Variants in BOD1L1 observed in about 807,000 individuals in gnomAD.
The protein encoded by BOD1L1 is biorientation of chromosomes in cell division 1 like 1.
In BOD1L1, 86 loss-of-function variants were observed where a neutral mutation model predicts 240.7. The observed-to-expected ratio is 0.36, with a 90% CI of 0.30 to 0.43. BOD1L1 has a LOEUF of 0.43. Among genes scored for constraint, BOD1L1 ranks in the 20% least tolerant of loss-of-function variants. The pLI is 1.00. For missense variants in BOD1L1, 3,554 were observed against 3,643.5 expected, an observed-to-expected ratio of 0.98 and a Z score of 0.63; for synonymous variants, 1,268 against 1,272.3, an observed-to-expected ratio of 1.00 and a Z score of 0.07.
At chr4:13,582,586 C>A in intron 18 of BOD1L1, 66 bp downstream of exon 18, 1 of 1,217,206 alleles carries the variant, frequency 8.2e-7, no homozygotes, top group South Asian at 1.3e-5. Context: ...ATAGACGTTT[C>A]GGTTGAGAGA....
intron 17 of BOD1L1, among the ~76,000 whole-genome samples, chr4:13,584,226 A>G (rs1370333946): frequency 6.6e-6 from 1 of 152,050 alleles, no homozygotes; most frequent in Admixed American, 6.6e-5. Context: ...TGGAAGGTCA[A>G]CTCGTTTGGG....
In BOD1L1 at chr4:13,577,564, A is replaced by G; in HGVS notation, c.8799+18T>C. On this transcript the variant is annotated intron_variant, in intron 23 of 25. Coordinates refer to ENST00000040738, the MANE Select transcript of BOD1L1 (RefSeq NM_148894.3). Reference sequence around the variant, plus strand: ...TGATTTCTAAACAACATATCTTGATAAGAAATTTAACACTTACATTGCTTA... The same window carrying G: ...TGATTTCTAAACAACATATCTTGATGAGAAATTTAACACTTACATTGCTTA... 6.3e-7 allele frequency: 1 copy of G among 1,581,792 alleles called. No homozygotes were observed. The highest frequency in any genetic ancestry group is 8.6e-7 in the Non-Finnish European group (1 of 1,159,980).
rs1306514294 is a variant in BOD1L1 at position 13,627,539 on chromosome 4, G to A, written c.49C>T (p.Pro17Ser). ...PQPPPPAPPP[P>S]PPQPQPQPPP... ...GGCTGCGGCTGCGGCTGCGGCGGGG[G>A]AGGCGGCGGCGCCGGAGGAGGCGGC... The change falls in exon 1 of 26, where the codon CCC becomes TCC. Residue 17 changes from proline (P) to serine (S), a missense_variant. By Grantham distance (74) the Pro-to-Ser change is moderately conservative. Coordinates refer to ENST00000040738, the MANE Select transcript of BOD1L1 (RefSeq NM_148894.3). The A allele has an allele frequency of 2.0e-5, 23 of 1,126,956 alleles. No individual in the cohort carries two copies. Among genetic ancestry groups the A allele is most frequent in the Non-Finnish European group, 2.5e-5 (23 of 920,590 alleles). The allele number at this position is 1,126,956 out of a possible 1,614,324, so 69.8% of individuals were successfully genotyped here. A position where few individuals can be genotyped will look rare whatever the true frequency, so the allele number is the denominator to read the frequency against.
rs371633743 is a variant in BOD1L1, at chr4:13,602,655, G to C, written c.4245C>G (p.Asp1415Glu). The change falls in exon 10 of 26, where the codon GAC (aspartate) becomes GAG (glutamate). Residue 1415 changes from aspartate to glutamate, a missense_variant. This residue lies in a region of BOD1L1 where 3,393 missense variants were observed against 3,427.1 expected (regional missense o/e 0.99). Transcript: ENST00000040738. ...GCTTTAAATTGGGCTCTGCATTTAA[G>C]TCATTTTCTTTCTTGGCCATGTCCA... is the stretch of plus-strand genomic sequence containing the variant. ...GLVDMAKKEN[D>E]LNAEPNLKQT... 18 of 1,613,872 alleles carry C rather than the reference G, an allele frequency of 1.1e-5. No homozygotes were observed. The highest frequency in any genetic ancestry group is 1.4e-5 in the Non-Finnish European group (17 of 1,179,900).
intron 17 of BOD1L1, 95 bp from the exon 18 acceptor site, chr4:13,582,831 A>G: frequency 1.3e-6 from 1 of 790,938 alleles, no homozygotes; most frequent in Non-Finnish European, 2.0e-6. Flanking sequence ...ATTTCAAAAA[A>G]ACTTCCTAGC....
chr4:13,592,147 A>T, intron 12 of BOD1L1, 181 bp from the exon 13 acceptor site: 1 of 520,658 alleles, frequency 1.9e-6, no homozygotes, highest in Non-Finnish European at 3.4e-6. Flanking sequence ...TTGTACTACC[A>T]GAATATACTA....
Position 13,599,045 on chromosome 4 carries a change from C to T in BOD1L1, c.7855G>A (p.Ala2619Thr). 6.2e-7 allele frequency: 1 copy of T among 1,613,974 alleles called. No homozygotes were observed. Among genetic ancestry groups the T allele is most frequent in the African/African-American group, 1.3e-5 (1 of 75,052 alleles). The change falls in exon 10 of 26, where the codon GCT becomes ACT. Residue 2619 changes from alanine to threonine, a missense_variant. Coordinates refer to ENST00000040738, the MANE Select transcript of BOD1L1 (RefSeq NM_148894.3). Reference sequence around the variant, plus strand: ...CTGTTATCATCTCCTGTTTTCTCAGCAGATGCTTGATCAGTCCATTTGCCA... The same window carrying T: ...CTGTTATCATCTCCTGTTTTCTCAGTAGATGCTTGATCAGTCCATTTGCCA... The part of the protein sequence containing the change: ...YSGKWTDQAS[A>T]EKTGDDNSTR...
intron 25 of BOD1L1, among the ~76,000 whole-genome samples, chr4:13,571,261 T>C (rs565230667): frequency 1.3e-5 from 2 of 152,304 alleles, no homozygotes; most frequent in South Asian, 2.1e-4. Flanking sequence ...AAGCGGGCAG[T>C]AAATGTCCTG....
chr4:13,610,572 T>G (rs1716079432), intron 6 of BOD1L1, among the ~76,000 whole-genome samples: 1 of 152,248 alleles, frequency 6.6e-6, no homozygotes, highest in Non-Finnish European at 1.5e-5. Flanking sequence ...TATCGAATAC[T>G]CTTCAGGCTA....
intron 25 of BOD1L1, chr4:13,572,806 G>C (rs1389991971): frequency 1.6e-6 from 2 of 1,289,774 alleles, no homozygotes; most frequent in Admixed American, 2.3e-5. Context: ...TGCCAAGTTT[G>C]GATGTTGCAC....
intron 1 of BOD1L1, among the ~76,000 whole-genome samples, chr4:13,620,389 C>A (rs1386202703): frequency 1.3e-5 from 2 of 152,076 alleles, no homozygotes; most frequent in Non-Finnish European, 2.9e-5. Flanking sequence ...GAAAATGTGC[C>A]ATTTGAGCTG....
In BOD1L1 at chr4:13,604,442, C is replaced by T; in HGVS notation, c.2458G>A (p.Val820Ile). Reference sequence around the variant, plus strand: ...TCTTTTTTGTTGTTTTCTTTACGAACATTCTCATCTGTTTTTATAATATAT... The same window carrying T: ...TCTTTTTTGTTGTTTTCTTTACGAATATTCTCATCTGTTTTTATAATATAT... ...SEYIIKTDENVRKENNKKERR... is the reference protein window; with the variant it reads ...SEYIIKTDENIRKENNKKERR... The change falls in exon 10 of 26, where the codon GTT (valine) becomes ATT (isoleucine). Residue 820 changes from valine to isoleucine, a missense_variant. Val to Ile is a conservative substitution (Grantham distance 29, BLOSUM62 3). This residue lies in a region of BOD1L1 where 3,393 missense variants were observed against 3,427.1 expected (regional missense o/e 0.99). Coordinates refer to ENST00000040738, the MANE Select transcript of BOD1L1 (RefSeq NM_148894.3). 6.4e-7 allele frequency: 1 copy of T among 1,565,870 alleles called. No homozygotes were observed. The highest frequency in any genetic ancestry group is 1.2e-5 in the South Asian group (1 of 81,210).
chr4:13,617,279 T>C (rs1459508817), intron 2 of BOD1L1, among the ~76,000 whole-genome samples: 2 of 138,874 alleles, frequency 1.4e-5, no homozygotes, highest in African/African-American at 6.0e-5. Context: ...GAAAAAAAAG[T>C]ACCAAAAAAA....
intron 8 of BOD1L1, 53 bp downstream of exon 8, chr4:13,608,477 G>A: frequency 7.1e-7 from 1 of 1,405,874 alleles, no homozygotes. Flanking sequence ...CCTCTCTTCT[G>A]AAAGCACCCA....
intron 25 of BOD1L1, among the ~76,000 whole-genome samples, chr4:13,573,466 A>ATCTTTCTTTCTT (rs1476265494): frequency 9.1e-6 from 1 of 109,852 alleles, no homozygotes; most frequent in African/African-American, 2.8e-5. Context: ...CTATCTATCT[A>ATCTTTCTTTCTT]TCTATCTTTC....
Position 13,603,992 on chromosome 4 carries a change from C to T in BOD1L1, c.2908G>A (p.Val970Ile), listed in dbSNP as rs764687918. ...VEDKPFEETG[V>I]EPVLETASSS... ...GAAGCAGTCTCTAATACAGGTTCAACACCAGTTTCTTCAAAAGGTTTGTCT... is the reference window on the plus strand; with the variant it reads ...GAAGCAGTCTCTAATACAGGTTCAATACCAGTTTCTTCAAAAGGTTTGTCT... The change falls in exon 10 of 26, where the codon GTT becomes ATT. Residue 970 changes from valine (V) to isoleucine (I), a missense_variant. Transcript: ENST00000040738. The T allele has an allele frequency of 1.9e-6, 3 of 1,613,904 alleles. No individual in the cohort carries two copies. Among genetic ancestry groups the T allele is most frequent in the Admixed American group, 1.7e-5 (1 of 60,022 alleles).
Position 13,602,320 on chromosome 4 carries a change from T to A in BOD1L1, c.4580A>T (p.Asp1527Val), listed in dbSNP as rs779278463. 2.5e-6 allele frequency: 4 copies of A among 1,613,842 alleles called. No individual in the cohort carries two copies. The African/African-American group carries it at 4.0e-5, about 16-fold the overall frequency. Residue 1527 changes from aspartate to valine, a missense_variant, in exon 10 of 26, where the codon GAT becomes GTT. Around this residue, in one of 2 missense-constraint regions of BOD1L1, gnomAD observed 3,393 missense variants for 3,427.1 expected, o/e 0.99. Coordinates refer to ENST00000040738, the MANE Select transcript of BOD1L1 (RefSeq NM_148894.3). Reference protein sequence around the residue: ...VATSTEGKDKDVTLSPVKAGP... With the variant: ...VATSTEGKDKVVTLSPVKAGP... ...AGCCTTCACTGGACTTAAGGTGACA[T>A]CTTTGTCCTTCCCTTCAGTACTAGT...
rs745601160 is a variant in BOD1L1, at chr4:13,604,598, C to T, written c.2302G>A (p.Val768Ile). Reference sequence around the variant, plus strand: ...CTTTGCTTTTGAATATTTTCCTCTACTTTTAAACCTTTCTCAGAAGAGTGA... The same window carrying T: ...CTTTGCTTTTGAATATTTTCCTCTATTTTTAAACCTTTCTCAGAAGAGTGA... ...ELHSSEKGLKVEENIQKQSQQ... is the reference protein window; with the variant it reads ...ELHSSEKGLKIEENIQKQSQQ... The change falls in exon 10 of 26, where the codon GTA becomes ATA. Residue 768 changes from valine (V) to isoleucine (I), a missense_variant. Around this residue, in one of 2 missense-constraint regions of BOD1L1, gnomAD observed 3,393 missense variants for 3,427.1 expected, o/e 0.99. Coordinates refer to ENST00000040738, the MANE Select transcript of BOD1L1 (RefSeq NM_148894.3). The T allele has an allele frequency of 5.1e-6, 8 of 1,573,284 alleles. No individual in the cohort carries two copies. The African/African-American group carries it at 1.1e-4, about 22-fold the overall frequency.
At chr4:13,624,293 G>A (rs1232219736) in intron 1 of BOD1L1, 1 of 152,074 alleles carries the variant, frequency 6.6e-6, no homozygotes, top group African/African-American at 2.4e-5. Context: ...CCATAGCTGA[G>A]TGTTCTTTTT....
Sources: gnomAD v4.1 joint callset for allele counts (sites outside exome capture counted in the v4.1 genomes callset) on GRCh38, gnomAD v4.1.1 for gene constraint, gnomAD v4.1.1 regional missense constraint, MANE v1.5 for transcripts, NCBI Gene and HGNC (gene_info 2026-07-23, HGNC 2026-07-21) for gene names.